The following CSMD1 variants were observed in gnomAD, a reference collection of about 807,000 sequenced individuals.
CSMD1 encodes CUB and sushi domain-containing protein 1.
In CSMD1, 213 loss-of-function variants were observed where a neutral mutation model predicts 417.5. That is an observed-to-expected ratio of 0.51 (90% confidence interval 0.46 to 0.57). The LOEUF (loss-of-function observed/expected upper bound fraction) is 0.57. CSMD1 is among the 20% of genes least tolerant of loss of function. The pLI, the probability that CSMD1 is intolerant of heterozygous loss-of-function variation, is 0.00. For missense variants in CSMD1, 6,923 were observed against 4,529.7 expected (o/e 1.53, Z -15.17); for synonymous variants, 2,862 against 1,736.8 (o/e 1.65, Z -16.11).
intron 3 of CSMD1, among the ~76,000 whole-genome samples, chr8:4,193,409 T>A (rs867133009): frequency 6.6e-6 from 1 of 151,774 alleles, no homozygotes; most frequent in East Asian, 1.9e-4. Flanking sequence ...GGCTTCCAAG[T>A]CTGTTTGCTT....
At chr8:3,700,015 C>G (rs577451544) in intron 7 of CSMD1, among the ~76,000 whole-genome samples, 1 of 152,260 alleles carries the variant, frequency 6.6e-6, no homozygotes, top group African/African-American at 2.4e-5. Context: ...GTTCCTGAGA[C>G]TCTTATAAAT....
At chr8:3,135,772 G>T (rs1353336341) in intron 41 of CSMD1, among the ~76,000 whole-genome samples, 1 of 152,200 alleles carries the variant, frequency 6.6e-6, no homozygotes, top group Non-Finnish European at 1.5e-5. Flanking sequence ...TGGCCTCAGT[G>T]GCTGGACTTA....
At chr8:4,136,560 C>T (rs1394433256) in intron 3 of CSMD1, among the ~76,000 whole-genome samples, 1 of 152,126 alleles carries the variant, frequency 6.6e-6, no homozygotes, top group Non-Finnish European at 1.5e-5. Context: ...ATGCAAAATG[C>T]CTCTAATTTA....
At chr8:4,592,973 T>C (rs528764048) in intron 2 of CSMD1, among the ~76,000 whole-genome samples, 2 of 152,218 alleles carry the variant, frequency 1.3e-5, no homozygotes, top group Non-Finnish European at 2.9e-5. Flanking sequence ...ATATGTGTTT[T>C]CTCAGGCTTT....
intron 5 of CSMD1, among the ~76,000 whole-genome samples, chr8:3,982,241 G>C (rs933615785): frequency 1.3e-5 from 2 of 150,412 alleles, no homozygotes; most frequent in Admixed American, 1.3e-4. Context: ...ACTACAATCT[G>C]AGCTAAAACT....
intron 3 of CSMD1, among the ~76,000 whole-genome samples, chr8:4,051,583 C>T (rs942905733): frequency 9.8e-5 from 15 of 152,292 alleles, no homozygotes; most frequent in African/African-American, 3.6e-4. Context: ...TGTCAACGTC[C>T]TCAGAAGTGC....
intron 26 of CSMD1, among the ~76,000 whole-genome samples, chr8:3,253,977 C>CT (rs1800462888): frequency 6.6e-6 from 1 of 152,158 alleles, no homozygotes; most frequent in African/African-American, 2.4e-5. Context: ...CCTTGATGGT[C>CT]TTTACAATTT....
chr8:4,094,262 G>A (rs1467780787), intron 3 of CSMD1, among the ~76,000 whole-genome samples: 1 of 152,082 alleles, frequency 6.6e-6, no homozygotes, highest in Non-Finnish European at 1.5e-5. Flanking sequence ...GTAAATCAGG[G>A]GTGATCTACT....
intron 5 of CSMD1, among the ~76,000 whole-genome samples, chr8:3,921,488 C>T (rs1044966989): frequency 8.6e-5 from 13 of 151,926 alleles, no homozygotes; most frequent in African/African-American, 2.9e-4. Flanking sequence ...AGTTAGGTTG[C>T]TTATATAAAA....
intron 68 of CSMD1, among the ~76,000 whole-genome samples, chr8:2,945,204 A>C (rs1293955301): frequency 6.6e-6 from 1 of 152,224 alleles, no homozygotes; most frequent in African/African-American, 2.4e-5. Flanking sequence ...GAGGGTTTTA[A>C]AAATTGTCCT....
At chr8:4,703,718 TA>T (rs543681385) in intron 1 of CSMD1, among the ~76,000 whole-genome samples, 1 of 152,026 alleles carries the variant, frequency 6.6e-6, no homozygotes, top group African/African-American at 2.4e-5. Context: ...AGATTTTCTT[TA>T]AAAAAAATCT....
At chr8:3,926,896 A>G (rs1809772645) in intron 5 of CSMD1, among the ~76,000 whole-genome samples, 2 of 151,648 alleles carry the variant, frequency 1.3e-5, no homozygotes, top group Middle Eastern at 3.4e-3. Context: ...TTGTATTTTT[A>G]GTAGAGAAAG....
intron 1 of CSMD1, among the ~76,000 whole-genome samples, chr8:4,798,587 C>G (rs984560223): frequency 1.3e-5 from 2 of 152,082 alleles, no homozygotes; most frequent in African/African-American, 4.8e-5. Flanking sequence ...AAAAAGTTAC[C>G]ACACTGTGTG....
chr8:4,021,906 G>C (rs910780276), intron 4 of CSMD1, among the ~76,000 whole-genome samples: 1 of 151,872 alleles, frequency 6.6e-6, no homozygotes, highest in Admixed American at 6.6e-5. Context: ...AACTACCCCA[G>C]ATCATCAACA....
At chr8:4,527,248 G>A (rs960951528) in intron 2 of CSMD1, among the ~76,000 whole-genome samples, 23 of 152,102 alleles carry the variant, frequency 1.5e-4, no homozygotes, top group Admixed American at 4.6e-4. Context: ...TCAAACATTA[G>A]CATTAGGAGT....
chr8:4,834,169 G>A (rs1345662818), intron 1 of CSMD1, among the ~76,000 whole-genome samples: 2 of 152,192 alleles, frequency 1.3e-5, no homozygotes, highest in African/African-American at 2.4e-5. Flanking sequence ...ACAAGGATGT[G>A]TTATGTCAGG....
chr8:4,660,053 T>A (rs942436545), intron 1 of CSMD1, among the ~76,000 whole-genome samples: 2 of 150,544 alleles, frequency 1.3e-5, no homozygotes, highest in African/African-American at 4.9e-5. Flanking sequence ...TCTCCTAAGA[T>A]TGGATAAAAG....
intron 2 of CSMD1, among the ~76,000 whole-genome samples, chr8:4,633,019 A>G (rs1164212667): frequency 6.6e-6 from 1 of 152,126 alleles, no homozygotes; most frequent in East Asian, 1.9e-4. Context: ...TTTCAGGGTC[A>G]TGGGTACTAG....
chr8:4,208,504 A>C (rs1350095711), intron 3 of CSMD1, among the ~76,000 whole-genome samples: 2 of 152,208 alleles, frequency 1.3e-5, no homozygotes, highest in Non-Finnish European at 2.9e-5. Context: ...TAGTTTATTA[A>C]TCTGTGATAT....
Sources: gnomAD v4.1 joint callset for allele counts (sites outside exome capture counted in the v4.1 genomes callset) on GRCh38, gnomAD v4.1.1 for gene constraint, MANE v1.5 for transcripts, NCBI Gene and HGNC (gene_info 2026-07-23, HGNC 2026-07-21) for gene names.